Variants in ADGRG6 observed in about 807,000 individuals in gnomAD.
The protein encoded by ADGRG6 is G-protein coupled receptor 126.
A neutral mutation model predicts 142.4 loss-of-function variants in ADGRG6; 84 were observed. The observed-to-expected ratio is 0.59, with a 90% CI of 0.49 to 0.71. The LOEUF (loss-of-function observed/expected upper bound fraction) is 0.71, where lower values mean the gene tolerates loss of function less well. Among genes scored for constraint, ADGRG6 ranks in the 30% least tolerant of loss-of-function variants. The pLI, the probability that ADGRG6 is intolerant of heterozygous loss-of-function variation, is 0.00. For synonymous variants in ADGRG6, 521 were observed against 520.5 expected (o/e 1.00, Z -0.01); for missense variants, 1,367 against 1,466.6 (o/e 0.93, Z 1.11).
intron 2 of ADGRG6, among the ~76,000 whole-genome samples, chr6:142,312,335 A>G (rs2114529365): frequency 6.6e-6 from 1 of 152,192 alleles, no homozygotes; most frequent in South Asian, 2.1e-4. Context: ...TAACATTTAT[A>G]TTTCATGGGA....
intron 2 of ADGRG6, among the ~76,000 whole-genome samples, chr6:142,333,337 A>G (rs945227150): frequency 2.0e-5 from 3 of 152,128 alleles, no homozygotes; most frequent in Non-Finnish European, 4.4e-5. Context: ...TTTCAGGGTT[A>G]TATCCCCTCT....
intron 10 of ADGRG6, among the ~76,000 whole-genome samples, chr6:142,398,556 G>A (rs887733584): frequency 1.7e-4 from 26 of 152,242 alleles, no homozygotes; most frequent in Admixed American, 3.3e-4. Context: ...CCTGGAGATC[G>A]TTCACATCCT....
At chr6:142,375,503 A>G (rs1245322137) in intron 4 of ADGRG6, among the ~76,000 whole-genome samples, 1 of 152,216 alleles carries the variant, frequency 6.6e-6, no homozygotes, top group East Asian at 1.9e-4. Flanking sequence ...AACTGACAGG[A>G]AATACCTGTA....
chr6:142,315,882 TTGGCAGCACATGGATGG>T (rs1778036601), intron 2 of ADGRG6, among the ~76,000 whole-genome samples: 1 of 151,768 alleles, frequency 6.6e-6, no homozygotes, highest in South Asian at 2.1e-4. Context: ...GCAAGGTTCT[TTGGCAGCACATGGATGG>T]TAGCTGTCAC....
Position 142,390,355 on chromosome 6 carries a change from TG to T in ADGRG6, c.1308+13del. 1 of 1,518,342 alleles carries T rather than the reference TG, an allele frequency of 6.6e-7. No individual in the cohort carries two copies. The highest frequency in any genetic ancestry group is 1.8e-5 in the Admixed American group (1 of 55,168). 94.1% of individuals were successfully genotyped at this position (1,518,342 alleles called of 1,614,324 possible). A position where few individuals can be genotyped will look rare whatever the true frequency, so the allele number is the denominator to read the frequency against. On this transcript the variant is annotated intron_variant, in intron 7 of 24. Coordinates refer to ENST00000367609, the MANE Select transcript of ADGRG6 (RefSeq NM_198569.3). ...AGGTGGCAGAATGGGTAAGTGAGCTTGTAACTTTTCTTTTTTAAAAAAATTC... is the reference window on the plus strand; with the variant it reads ...AGGTGGCAGAATGGGTAAGTGAGCTTTAACTTTTCTTTTTTAAAAAAATTC...
intron 2 of ADGRG6, among the ~76,000 whole-genome samples, chr6:142,344,902 G>A (rs1010150888): frequency 6.6e-6 from 1 of 151,976 alleles, no homozygotes; most frequent in Admixed American, 6.6e-5. Flanking sequence ...CTCCTCAGAT[G>A]TTGGGAATAT....
In ADGRG6 at chr6:142,422,911, G is replaced by A. The variant is rs796638210; in HGVS notation, c.3319+2807G>A. Among the ~76,000 whole-genome samples the A allele has an allele frequency of 7.6e-3, 1,114 of 147,044 alleles. 18 individuals carry two copies. Among genetic ancestry groups the A allele is most frequent in the Admixed American group, 0.04 (592 of 14,752 alleles). Reference sequence around the variant, plus strand: ...GGTTTTGATTTGCATTTCTCTGATGGCCAGTGATGATGAGCATTTTTTCAT... The same window carrying A: ...GGTTTTGATTTGCATTTCTCTGATGACCAGTGATGATGAGCATTTTTTCAT... On this transcript the variant is annotated intron_variant, in intron 22 of 24. Transcript: ENST00000367609.
At chr6:142,389,636 T>C (rs1000799839) in intron 6 of ADGRG6, among the ~76,000 whole-genome samples, 5 of 151,958 alleles carry the variant, frequency 3.3e-5, no homozygotes, top group African/African-American at 1.2e-4. Flanking sequence ...ATGAAAATTC[T>C]ACCTGCAAAT....
chr6:142,405,322 C>T (rs890117747), intron 14 of ADGRG6: 13 of 459,864 alleles, frequency 2.8e-5, no homozygotes, highest in African/African-American at 2.4e-4. Context: ...TTTCTCTCTC[C>T]CTTGCCCCTT....
chr6:142,338,298 G>A lies in ADGRG6; in HGVS notation c.103+28654G>A, dbSNP rs186842665. ...GCTGGGATTACAGGCATGAGCCACCGCGCCCGGCCTATGCCTTGTATCTTT... is the reference window on the plus strand; with the variant it reads ...GCTGGGATTACAGGCATGAGCCACCACGCCCGGCCTATGCCTTGTATCTTT... On this transcript the variant is annotated intron_variant, in intron 2 of 24. Coordinates refer to ENST00000367609, the MANE Select transcript of ADGRG6 (RefSeq NM_198569.3). Among the ~76,000 whole-genome samples the A allele has an allele frequency of 1.1e-3, 164 of 151,448 alleles. 1 individual carries two copies. Among genetic ancestry groups the A allele is most frequent in the African/African-American group, 3.9e-3 (160 of 41,456 alleles).
chr6:142,443,987 G>T lies in ADGRG6; in HGVS notation c.*472G>T, dbSNP rs957745124. 6.6e-6 allele frequency: 1 copy of T among 152,372 alleles called. No homozygotes were observed. Among genetic ancestry groups the T allele is most frequent in the Non-Finnish European group, 1.5e-5 (1 of 68,222 alleles). 9.4% of individuals were successfully genotyped at this position (152,372 alleles called of 1,614,324 possible). A position where few individuals can be genotyped will look rare whatever the true frequency, so the allele number is the denominator to read the frequency against. Reference sequence around the variant, plus strand: ...CATTCCAGTGTTACTTTCTGTGAATGCAGTACCATATTCTCATTTTCAATG... The same window carrying T: ...CATTCCAGTGTTACTTTCTGTGAATTCAGTACCATATTCTCATTTTCAATG... On this transcript the variant is annotated 3_prime_UTR_variant, in exon 25 of 25. Coordinates refer to ENST00000367609, the MANE Select transcript of ADGRG6 (RefSeq NM_198569.3).
chr6:142,341,442 A>AT (rs1309087014), intron 2 of ADGRG6, among the ~76,000 whole-genome samples: 18 of 118,340 alleles, frequency 1.5e-4, no homozygotes, highest in Non-Finnish European at 2.5e-4. Flanking sequence ...ATATAATTAT[A>AT]TATATAGTAT....
chr6:142,318,972 G>A (rs558952651), intron 2 of ADGRG6, among the ~76,000 whole-genome samples: 1 of 152,056 alleles, frequency 6.6e-6, no homozygotes, highest in Non-Finnish European at 1.5e-5. Context: ...AGTAAGATTT[G>A]TGCAATTGCA....
Position 142,330,569 on chromosome 6 carries a change from T to G in ADGRG6, c.103+20925T>G, listed in dbSNP as rs143914135. ...CATTTTTAGATTCAGAGATTTCTGT[T>G]CTCTGTTCAGAATCAAGAAACAGAT... On this transcript the variant is annotated intron_variant, in intron 2 of 24. Coordinates refer to ENST00000367609, the MANE Select transcript of ADGRG6 (RefSeq NM_198569.3). Among the ~76,000 whole-genome samples, 4 of 152,332 alleles carry G rather than the reference T, an allele frequency of 2.6e-5. No homozygotes were observed. The East Asian group carries it at 7.7e-4, about 29-fold the overall frequency.
chr6:142,333,410 C>T (rs1779159872), intron 2 of ADGRG6, among the ~76,000 whole-genome samples: 1 of 152,166 alleles, frequency 6.6e-6, no homozygotes, highest in South Asian at 2.1e-4. Context: ...GTATGGCAGA[C>T]CTGGACTATC....
At chr6:142,303,373 A>T (rs188587579) in intron 1 of ADGRG6, among the ~76,000 whole-genome samples, 1 of 152,132 alleles carries the variant, frequency 6.6e-6, no homozygotes, top group Admixed American at 6.5e-5. Context: ...TCCATTCCCT[A>T]CTTCCCCACT....
intron 3 of ADGRG6, 46 bp from the exon 4 acceptor site, chr6:142,370,124 G>A: frequency 6.6e-7 from 1 of 1,524,558 alleles, no homozygotes; most frequent in East Asian, 2.3e-5. Flanking sequence ...ATTAGTCTGT[G>A]TTCTGAAGTT....
rs1351765076 is a variant in ADGRG6 at position 142,402,663 on chromosome 6, T to C, written c.1788T>C (p.Ala596=). ...EVANQILNLT[A]DGQNLTSANI... ...CTAACCAGATTTTAAATTTAACTGCTGATGGGCAGAACTTAACCTCAGCCA... is the reference window on the plus strand; with the variant it reads ...CTAACCAGATTTTAAATTTAACTGCCGATGGGCAGAACTTAACCTCAGCCA... Residue 596 remains alanine (A), a synonymous_variant, in exon 13 of 25, where the codon GCT becomes GCC. Transcript: ENST00000367609. 1 of 1,608,440 alleles carries C rather than the reference T, an allele frequency of 6.2e-7. No individual in the cohort carries two copies. Among genetic ancestry groups the C allele is most frequent in the Non-Finnish European group, 8.5e-7 (1 of 1,176,330 alleles).
chr6:142,407,579 G>C (rs117454837), intron 15 of ADGRG6, among the ~76,000 whole-genome samples: 288 of 152,312 alleles, frequency 1.9e-3, no homozygotes, highest in Middle Eastern at 0.014. Flanking sequence ...TTGATTTCCT[G>C]ACAGCCTTAT....
Sources: gnomAD v4.1 joint callset for allele counts (sites outside exome capture counted in the v4.1 genomes callset) on GRCh38, gnomAD v4.1.1 for gene constraint, MANE v1.5 for transcripts, NCBI Gene and HGNC (gene_info 2026-07-23, HGNC 2026-07-21) for gene names.